The following PLPPR1 variants were observed in gnomAD, a reference collection of about 807,000 sequenced individuals.
The protein encoded by PLPPR1 is phospholipid phosphatase related 1.
PLPPR1 carries 10 observed loss-of-function variants against 33.1 expected under a neutral mutation model. The observed-to-expected ratio is 0.30, with a 90% CI of 0.19 to 0.51. The LOEUF (loss-of-function observed/expected upper bound fraction) is 0.51, where lower values mean the gene tolerates loss of function less well. Among genes scored for constraint, PLPPR1 ranks in the 20% least tolerant of loss-of-function variants. PLPPR1 has a pLI of 0.97. For missense variants in PLPPR1, 304 were observed against 408.1 expected (o/e 0.74, Z 2.20); for synonymous variants, 151 against 151.0 (o/e 1.00, Z 0.00).
At chr9:101,066,696 T>C (rs548978658) in intron 1 of PLPPR1, among the ~76,000 whole-genome samples, 10 of 152,138 alleles carry the variant, frequency 6.6e-5, no homozygotes, top group African/African-American at 2.4e-4. Flanking sequence ...ATCCCCATCA[T>C]AGTGATTTTC....
intron 1 of PLPPR1, among the ~76,000 whole-genome samples, chr9:101,169,758 A>C (rs1825912614): frequency 6.6e-6 from 1 of 152,132 alleles, no homozygotes; most frequent in African/African-American, 2.4e-5. Flanking sequence ...CATAATAATG[A>C]AGTCCCAGAG....
At chr9:101,060,313 A>G in intron 1 of PLPPR1, among the ~76,000 whole-genome samples, 1 of 152,002 alleles carries the variant, frequency 6.6e-6, no homozygotes, top group African/African-American at 2.4e-5. Context: ...ACCAGAGGCT[A>G]GGAGTAGGAA....
chr9:101,207,992 T>C (rs1826620613), intron 2 of PLPPR1, among the ~76,000 whole-genome samples: 1 of 152,186 alleles, frequency 6.6e-6, no homozygotes, highest in African/African-American at 2.4e-5. Flanking sequence ...TGATGCCTCC[T>C]GCAAAGTTGA....
chr9:101,039,458 A>T (rs531805450), intron 1 of PLPPR1, among the ~76,000 whole-genome samples: 8 of 152,318 alleles, frequency 5.3e-5, no homozygotes, highest in African/African-American at 1.9e-4. Flanking sequence ...CATGATATAC[A>T]GCTATAAGGG....
chr9:101,039,555 C>A (rs1830050904), intron 1 of PLPPR1, among the ~76,000 whole-genome samples: 1 of 152,074 alleles, frequency 6.6e-6, no homozygotes. Context: ...CTGTATTAGT[C>A]CATTTTCACA....
At chr9:101,258,324 A>G (rs1017053708) in intron 2 of PLPPR1, among the ~76,000 whole-genome samples, 3 of 152,148 alleles carry the variant, frequency 2.0e-5, no homozygotes, top group Admixed American at 2.0e-4. Flanking sequence ...CTGTTAAGGT[A>G]TAACCAATTG....
chr9:101,238,315 T>TAC (rs1827371777), intron 2 of PLPPR1, among the ~76,000 whole-genome samples: 2 of 131,260 alleles, frequency 1.5e-5, no homozygotes, highest in African/African-American at 2.9e-5. Flanking sequence ...AGGGTATGTA[T>TAC]ATAGGATGTA....
chr9:101,321,770 C>T (rs1829154444), intron 7 of PLPPR1, among the ~76,000 whole-genome samples: 1 of 147,892 alleles, frequency 6.8e-6, no homozygotes, highest in African/African-American at 2.5e-5. Flanking sequence ...AATATAGATA[C>T]ATATATACAC....
chr9:101,310,926 A>G (rs1209386549), intron 5 of PLPPR1, among the ~76,000 whole-genome samples: 1 of 152,190 alleles, frequency 6.6e-6, no homozygotes, highest in African/African-American at 2.4e-5. Context: ...GCTCAGTTAA[A>G]TGTCTTTGCT....
intron 1 of PLPPR1, among the ~76,000 whole-genome samples, chr9:101,109,134 ATTTTTTTTT>A (rs67666339): frequency 1.0e-5 from 1 of 99,774 alleles, no homozygotes; most frequent in African/African-American, 3.9e-5. Flanking sequence ...AATTTTTTGT[ATTTTTTTTT>A]TTTTTTTTTT....
At chr9:101,244,820 T>A (rs1203000629) in intron 2 of PLPPR1, among the ~76,000 whole-genome samples, 2 of 151,946 alleles carry the variant, frequency 1.3e-5, no homozygotes, top group Non-Finnish European at 1.5e-5. Context: ...TGTTAATATG[T>A]ATCTGATAGA....
At chr9:101,072,791 A>G (rs1436313673) in intron 1 of PLPPR1, among the ~76,000 whole-genome samples, 2 of 152,216 alleles carry the variant, frequency 1.3e-5, no homozygotes, top group Admixed American at 6.5e-5. Context: ...GTAGTTCAGA[A>G]GAAAACAAAG....
At chr9:101,089,451 A>G (rs999792029) in intron 1 of PLPPR1, among the ~76,000 whole-genome samples, 9 of 152,186 alleles carry the variant, frequency 5.9e-5, no homozygotes, top group African/African-American at 2.2e-4. Context: ...AGAAAACAAG[A>G]AAAGTGTTAA....
intron 2 of PLPPR1, among the ~76,000 whole-genome samples, chr9:101,229,498 C>CTAAT (rs1174946626): frequency 1.3e-5 from 2 of 152,044 alleles, no homozygotes; most frequent in African/African-American, 4.8e-5. Flanking sequence ...GAATCCATTT[C>CTAAT]TAATAATTTG....
intron 2 of PLPPR1, among the ~76,000 whole-genome samples, chr9:101,225,460 G>T (rs944854776): frequency 6.6e-5 from 10 of 152,046 alleles, no homozygotes; most frequent in Admixed American, 6.6e-5. Flanking sequence ...ATTCCACATA[G>T]CTCACCCAAA....
intron 2 of PLPPR1, among the ~76,000 whole-genome samples, chr9:101,238,047 A>G (rs2118838482): frequency 7.3e-6 from 1 of 137,926 alleles, no homozygotes; most frequent in Non-Finnish European, 1.6e-5. Context: ...ATGTGTATAT[A>G]TATATAGCCT....
At chr9:101,217,429 T>G (rs754726176) in intron 2 of PLPPR1, among the ~76,000 whole-genome samples, 1 of 152,240 alleles carries the variant, frequency 6.6e-6, no homozygotes, top group Non-Finnish European at 1.5e-5. Context: ...GACAGTTTCA[T>G]GGACTTGTTA....
Position 101,237,916 on chromosome 9 carries a change from G to A in PLPPR1, c.64-31964G>A, listed in dbSNP as rs866992538. On this transcript the variant is annotated intron_variant, in intron 2 of 7. Transcript: ENST00000374874. ...CATTTCTCTGATTTAAGGCTATTTG[G>A]AGAATAAGCCTATATATATATATAT... Among the ~76,000 whole-genome samples, 16 of 111,620 alleles carry A rather than the reference G, an allele frequency of 1.4e-4. 1 individual carries two copies. The highest frequency in any genetic ancestry group is 5.6e-4 in the African/African-American group (16 of 28,630). The allele number at this position is 111,620 out of a possible 152,430, so 73.2% of individuals were successfully genotyped here. A position where few individuals can be genotyped will look rare whatever the true frequency, so the allele number is the denominator to read the frequency against.
At chr9:101,255,397 TG>T (rs1188348458) in intron 2 of PLPPR1, among the ~76,000 whole-genome samples, 1 of 152,192 alleles carries the variant, frequency 6.6e-6, no homozygotes, top group Non-Finnish European at 1.5e-5. Context: ...TTCATAACTT[TG>T]CCCATGTAAA....
Sources: allele counts gnomAD v4.1 joint callset (sites outside exome capture counted in the v4.1 genomes callset), GRCh38; gene constraint gnomAD v4.1.1; transcripts MANE v1.5; gene names NCBI Gene and HGNC (gene_info 2026-07-23, HGNC 2026-07-21).